SMOC1: variants seen among roughly 807,000 people sequenced by gnomAD.
SMOC1 encodes the protein SPARC-related modular calcium-binding protein 1.
SMOC1 carries 22 observed loss-of-function variants against 56.3 expected under a neutral mutation model. The observed-to-expected ratio is 0.39, with a 90% CI of 0.28 to 0.56. The LOEUF (loss-of-function observed/expected upper bound fraction) is 0.56, where lower values mean the gene tolerates loss of function less well. Ranked by LOEUF, SMOC1 falls within the 20% of genes least tolerant of loss-of-function variation. The probability of loss-of-function intolerance (pLI) is 0.61; values close to 1 mark genes in which losing one functional copy is unlikely to be tolerated. For synonymous variants in SMOC1, 193 were observed against 215.0 expected (o/e 0.90, Z 0.89); for missense variants, 509 against 565.4 (o/e 0.90, Z 1.01).
At chr14:69,903,840 A>T (rs1236682873) in intron 1 of SMOC1, among the ~76,000 whole-genome samples, 1 of 150,748 alleles carries the variant, frequency 6.6e-6, no homozygotes, top group Non-Finnish European at 1.5e-5. Context: ...CCTTCCCTCC[A>T]CTATTGTCCT....
At chr14:69,982,333 A>G (rs1884209570) in intron 5 of SMOC1, among the ~76,000 whole-genome samples, 1 of 152,248 alleles carries the variant, frequency 6.6e-6, no homozygotes. Flanking sequence ...AAGATCTCCC[A>G]CTGGCTGTTC....
chr14:69,898,765 C>T (rs1566665223), intron 1 of SMOC1, among the ~76,000 whole-genome samples: 2 of 152,146 alleles, frequency 1.3e-5, no homozygotes, highest in Non-Finnish European at 2.9e-5. Context: ...ATAATTCCAA[C>T]ATCTCAGCCA....
chr14:69,953,456 A>T lies in SMOC1; in HGVS notation c.302A>T (p.Gln101Leu). Residue 101 changes from glutamine to leucine, a missense_variant, in exon 3 of 12, where the codon CAA becomes CTA. Coordinates refer to ENST00000361956, the MANE Select transcript of SMOC1 (RefSeq NM_001034852.3). ...GQSKCRLERA[Q>L]ALEQAKKPQE... ...AGCAAGTGTCGCCTGGAGCGGGCTC[A>T]AGCCCTGGAGCAAGCCAAGAAGCCT... The T allele has an allele frequency of 6.2e-7, 1 of 1,614,234 alleles. No individual in the cohort carries two copies. The highest frequency in any genetic ancestry group is 8.5e-7 in the Non-Finnish European group (1 of 1,180,022).
At chr14:69,885,217 AG>A in intron 1 of SMOC1, 4 of 630,532 alleles carry the variant, frequency 6.3e-6, no homozygotes, top group Non-Finnish European at 1.0e-5. Flanking sequence ...ACTTTTCTAC[AG>A]AGCATTCTTT....
At chr14:69,914,425 T>G (rs1884631060) in intron 1 of SMOC1, among the ~76,000 whole-genome samples, 1 of 152,186 alleles carries the variant, frequency 6.6e-6, no homozygotes, top group South Asian at 2.1e-4. Flanking sequence ...TGTGCACCCA[T>G]TTCCCCACAG....
Position 69,943,682 on chromosome 14 carries a change from C to T in SMOC1, c.100-8456C>T, listed in dbSNP as rs939620276. 1.4e-3 allele frequency among the ~76,000 whole-genome samples: 209 copies of T among 152,322 alleles called. 1 individual carries two copies. Among genetic ancestry groups the T allele is most frequent in the Non-Finnish European group, 2.1e-3 (140 of 68,028 alleles). On this transcript the variant is annotated intron_variant, in intron 1 of 11. Coordinates refer to ENST00000361956, the MANE Select transcript of SMOC1 (RefSeq NM_001034852.3). Reference sequence around the variant, plus strand: ...TTGGCTCCAAGAGTGGCTTTCCCCCCCCTTTCAATAGCAGGTTTACCTCCC... The same window carrying T: ...TTGGCTCCAAGAGTGGCTTTCCCCCTCCTTTCAATAGCAGGTTTACCTCCC...
intron 1 of SMOC1, among the ~76,000 whole-genome samples, chr14:69,940,657 C>T (rs1882518797): frequency 6.6e-6 from 1 of 152,200 alleles, no homozygotes; most frequent in Non-Finnish European, 1.5e-5. Context: ...AGTCTAAGTC[C>T]TCTCTTATAA....
chr14:70,004,726 A>G (rs1038028457), intron 7 of SMOC1, among the ~76,000 whole-genome samples: 2 of 152,228 alleles, frequency 1.3e-5, no homozygotes, highest in South Asian at 2.1e-4. Context: ...GTGTGTATCT[A>G]TAATCTGTAG....
intron 4 of SMOC1, among the ~76,000 whole-genome samples, chr14:69,977,387 C>A (rs1884002153): frequency 1.3e-5 from 2 of 152,258 alleles, no homozygotes; most frequent in South Asian, 4.1e-4. Flanking sequence ...TGTTTCCATG[C>A]CTTAGACTAT....
At chr14:69,931,211 G>A (rs1048431030) in intron 1 of SMOC1, among the ~76,000 whole-genome samples, 5 of 152,194 alleles carry the variant, frequency 3.3e-5, no homozygotes, top group Admixed American at 6.5e-5. Context: ...TGTCTCCTGC[G>A]CACGCATGGC....
intron 7 of SMOC1, among the ~76,000 whole-genome samples, chr14:70,009,630 T>C (rs904959491): frequency 2.3e-4 from 35 of 152,126 alleles, no homozygotes; most frequent in African/African-American, 8.5e-4. Context: ...AGAATAGTGG[T>C]ATGAAAAAAA....
intron 1 of SMOC1, among the ~76,000 whole-genome samples, chr14:69,891,532 C>T (rs1023605810): frequency 4.6e-5 from 7 of 152,108 alleles, no homozygotes; most frequent in African/African-American, 7.2e-5. Context: ...GGTGTTTAAC[C>T]GAAGTTGCAA....
intron 1 of SMOC1, among the ~76,000 whole-genome samples, chr14:69,910,863 G>A (rs193193966): frequency 6.6e-6 from 1 of 152,310 alleles, no homozygotes; most frequent in African/African-American, 2.4e-5. Flanking sequence ...ATAGCTGTTT[G>A]GAAGCCTGAG....
chr14:69,890,346 G>A (rs1883927087), intron 1 of SMOC1, among the ~76,000 whole-genome samples: 4 of 152,138 alleles, frequency 2.6e-5, no homozygotes, highest in Admixed American at 2.6e-4. Context: ...ATGCAAAAAA[G>A]GGAATAGATG....
In SMOC1 at chr14:69,879,588, C is replaced by A; in HGVS notation, c.-91C>A. The stretch of plus-strand genomic sequence containing the variant: ...GGCCCGCTCCCCGCCGCCGCGAGGG[C>A]CCCGAGCGAAGGAAGGAAGGGAGGC... On this transcript the variant is annotated 5_prime_UTR_variant, in exon 1 of 12. Coordinates refer to ENST00000361956, the MANE Select transcript of SMOC1 (RefSeq NM_001034852.3). 1 of 1,035,796 alleles carries A rather than the reference C, an allele frequency of 9.7e-7. No homozygotes were observed. The highest frequency in any genetic ancestry group is 1.3e-6 in the Non-Finnish European group (1 of 781,212). The allele number at this position is 1,035,796 out of a possible 1,614,324, so 64.2% of individuals were successfully genotyped here. A position where few individuals can be genotyped will look rare whatever the true frequency, so the allele number is the denominator to read the frequency against.
intron 1 of SMOC1, among the ~76,000 whole-genome samples, chr14:69,943,510 G>A (rs146134900): frequency 1.2e-3 from 176 of 152,306 alleles, no homozygotes; most frequent in African/African-American, 4.0e-3. Context: ...CATTCCCAAG[G>A]ATGCAGGCCC....
rs139341750 is a variant in SMOC1, at chr14:69,940,413, A to G, written c.100-11725A>G. Among the ~76,000 whole-genome samples, 441 of 152,356 alleles carry G rather than the reference A, an allele frequency of 2.9e-3. 3 individuals carry two copies. The highest frequency in any genetic ancestry group is 0.01 in the African/African-American group (423 of 41,584). On this transcript the variant is annotated intron_variant, in intron 1 of 11. Coordinates refer to ENST00000361956, the MANE Select transcript of SMOC1 (RefSeq NM_001034852.3). ...ATATTTGTGTTCTTAGTAATGCTCA[A>G]TGAAAACTTAGAGCATATTGCTGGT...
intron 1 of SMOC1, among the ~76,000 whole-genome samples, chr14:69,880,806 C>A (rs1015256627): frequency 6.6e-6 from 1 of 152,224 alleles, no homozygotes; most frequent in Non-Finnish European, 1.5e-5. Flanking sequence ...TCTTGAACAT[C>A]CTTGGGCCTG....
At chr14:69,885,924 G>A (rs912887276) in intron 1 of SMOC1, 9 of 1,595,344 alleles carry the variant, frequency 5.6e-6, no homozygotes, top group African/African-American at 4.0e-5. Context: ...ACTTTCAGCC[G>A]CTTATAGAGG....
Sources: gnomAD v4.1 joint callset for allele counts (sites outside exome capture counted in the v4.1 genomes callset) on GRCh38, gnomAD v4.1.1 for gene constraint, MANE v1.5 for transcripts, NCBI Gene and HGNC (gene_info 2026-07-23, HGNC 2026-07-21) for gene names.